RUNDC3B: variants seen among roughly 807,000 people sequenced by gnomAD.
The protein encoded by RUNDC3B is RUN domain containing 3B, also known as RUN domain-containing protein 3B.
In RUNDC3B, 33 loss-of-function variants were observed where a neutral mutation model predicts 58.4. The ratio of observed to expected loss-of-function variants is 0.56; its 90% CI spans 0.43 to 0.75. RUNDC3B has a LOEUF of 0.75. RUNDC3B is among the 30% of genes least tolerant of loss of function. The probability of loss-of-function intolerance (pLI) is 0.00; values close to 1 mark genes in which losing one functional copy is unlikely to be tolerated. For synonymous variants in RUNDC3B, 193 were observed against 195.2 expected, an observed-to-expected ratio of 0.99 and a Z score of 0.10; for missense variants, 501 against 535.7, an observed-to-expected ratio of 0.94 and a Z score of 0.64.
intron 4 of RUNDC3B, among the ~76,000 whole-genome samples, chr7:87,714,250 A>G (rs1031400306): frequency 2.6e-5 from 4 of 152,120 alleles, no homozygotes; most frequent in Non-Finnish European, 5.9e-5. Flanking sequence ...AGACACACAC[A>G]AGATAGTGAA....
Position 87,830,074 on chromosome 7 carries a change from TA to T in RUNDC3B, c.*46del. 7.5e-7 allele frequency: 1 copy of T among 1,330,444 alleles called. No homozygotes were observed. The highest frequency in any genetic ancestry group is 1.0e-6 in the Non-Finnish European group (1 of 967,148). The allele number at this position is 1,330,444 out of a possible 1,614,324, so 82.4% of individuals were successfully genotyped here. On this transcript the variant is annotated 3_prime_UTR_variant, in exon 11 of 11. Transcript: ENST00000394654. ...CAAAACTTTTTATGTTGTAAATGTTTAATTTACATGTTTGACTGCTGGGAAG... is the reference window on the plus strand; with the variant it reads ...CAAAACTTTTTATGTTGTAAATGTTTATTTACATGTTTGACTGCTGGGAAG...
In RUNDC3B at chr7:87,755,550, G is replaced by T. The variant is rs959601066; in HGVS notation, c.629+13971G>T. Among the ~76,000 whole-genome samples the T allele has an allele frequency of 2.7e-5, 4 of 149,546 alleles. No homozygotes were observed. In the East Asian group the frequency reaches 7.9e-4, roughly 29 times the overall value. On this transcript the variant is annotated intron_variant, in intron 6 of 10. Coordinates refer to ENST00000394654, the MANE Select transcript of RUNDC3B (RefSeq NM_001134405.2). ...TCAAAAAGCTAATCCACCATGATCA[G>T]TGCAAGGTTGGTTCAACATACGTAA...
chr7:87,763,692 C>A (rs960906958), intron 6 of RUNDC3B, among the ~76,000 whole-genome samples: 26 of 151,428 alleles, frequency 1.7e-4, no homozygotes, highest in African/African-American at 5.3e-4. Context: ...TTTTAAAGTT[C>A]TGTTTGGCTG....
At chr7:87,763,913 C>G (rs1329910470) in intron 6 of RUNDC3B, among the ~76,000 whole-genome samples, 1 of 151,618 alleles carries the variant, frequency 6.6e-6, no homozygotes, top group East Asian at 1.9e-4. Context: ...AGTCAGGAGC[C>G]CAACAGATGA....
intron 3 of RUNDC3B, among the ~76,000 whole-genome samples, chr7:87,704,763 A>G (rs1291462256): frequency 6.6e-6 from 1 of 152,204 alleles, no homozygotes; most frequent in African/African-American, 2.4e-5. Context: ...TTGCCTAGTT[A>G]TGCTGGGAAG....
rs750557108 is a variant in RUNDC3B, at chr7:87,829,969, C to G, written c.1310C>G (p.Ser437Cys). ...ASYKSLTSLK[S>C]NDYLASPTTE... is the part of the protein sequence containing the mutation. Reference sequence around the variant, plus strand: ...TACAAGTCTCTAACAAGCTTAAAATCTAATGACTACCTTGCAAGTCCTACA... The same window carrying G: ...TACAAGTCTCTAACAAGCTTAAAATGTAATGACTACCTTGCAAGTCCTACA... Residue 437 changes from serine to cysteine, a missense_variant, in exon 11 of 11, where the codon TCT becomes TGT. By Grantham distance (112) the Ser-to-Cys change is moderately radical. Coordinates refer to ENST00000394654, the MANE Select transcript of RUNDC3B (RefSeq NM_001134405.2). 1 of 1,609,166 alleles carries G rather than the reference C, an allele frequency of 6.2e-7. No individual in the cohort carries two copies. The highest frequency in any genetic ancestry group is 8.5e-7 in the Non-Finnish European group (1 of 1,177,088).
intron 8 of RUNDC3B, among the ~76,000 whole-genome samples, chr7:87,800,238 G>T (rs898629874): frequency 1.2e-4 from 18 of 152,084 alleles, no homozygotes; most frequent in African/African-American, 4.3e-4. Flanking sequence ...AAAGTAGAGG[G>T]GAGAGGATAA....
intron 2 of RUNDC3B, among the ~76,000 whole-genome samples, chr7:87,685,593 G>T (rs139741590): frequency 6.6e-6 from 1 of 152,116 alleles, no homozygotes; most frequent in Admixed American, 6.6e-5. Context: ...TAAAGATTAC[G>T]TATGATTCCA....
chr7:87,653,406 T>TA (rs1277642268), intron 2 of RUNDC3B, among the ~76,000 whole-genome samples: 3 of 152,098 alleles, frequency 2.0e-5, no homozygotes, highest in Admixed American at 1.3e-4. Context: ...ACTCCATACA[T>TA]AGTACCACTT....
intron 8 of RUNDC3B, among the ~76,000 whole-genome samples, chr7:87,804,063 G>T (rs1836309631): frequency 6.6e-6 from 1 of 152,108 alleles, no homozygotes; most frequent in South Asian, 2.1e-4. Flanking sequence ...TTAAATAATT[G>T]ATTATTAAAC....
At chr7:87,801,876 A>T (rs1182013019) in intron 8 of RUNDC3B, among the ~76,000 whole-genome samples, 1 of 152,256 alleles carries the variant, frequency 6.6e-6, no homozygotes, top group Non-Finnish European at 1.5e-5. Context: ...GAATTTTAGC[A>T]AATTACATAA....
intron 2 of RUNDC3B, among the ~76,000 whole-genome samples, chr7:87,679,332 A>G (rs1279644005): frequency 6.7e-6 from 1 of 149,458 alleles, no homozygotes; most frequent in African/African-American, 2.5e-5. Context: ...TGACCTCGTG[A>G]TCCACCCACC....
chr7:87,634,256 T>C (rs558057337), intron 1 of RUNDC3B, among the ~76,000 whole-genome samples: 2 of 152,068 alleles, frequency 1.3e-5, no homozygotes, highest in South Asian at 4.2e-4. Context: ...ACATTGGAGA[T>C]CAAATTTCAA....
In RUNDC3B at chr7:87,794,630, A is replaced by C. The variant is rs865984156; in HGVS notation, c.957-12743A>C. Among the ~76,000 whole-genome samples, 494 of 152,174 alleles carry C rather than the reference A, an allele frequency of 3.2e-3. 1 individual carries two copies. Among genetic ancestry groups the C allele is most frequent in the Non-Finnish European group, 5.7e-3 (385 of 67,998 alleles). ...AATGAGAGTCTTTATAGAAACAAAA[A>C]AAAAAAAAACCTAACATTTTTATGG... On this transcript the variant is annotated intron_variant, in intron 8 of 10. Coordinates refer to ENST00000394654, the MANE Select transcript of RUNDC3B (RefSeq NM_001134405.2).
chr7:87,649,703 G>A (rs1340296208), intron 1 of RUNDC3B, among the ~76,000 whole-genome samples: 1 of 152,148 alleles, frequency 6.6e-6, no homozygotes, highest in Non-Finnish European at 1.5e-5. Flanking sequence ...GAAATGGTTT[G>A]TCTGTGACCC....
At position 87,770,589 on chromosome 7, in the gene RUNDC3B, G is replaced by C. The variant is rs1280652281; in HGVS notation, c.638G>C (p.Ser213Thr). ...PYLKYIQSSD[S>T]ISSDEEELRT... ...AATTTTGATCTTCCCAGTTCTGATA[G>C]TATCAGCAGTGATGAGGAGGAGCTA... Residue 213 changes from serine (S) to threonine (T), a missense_variant, in exon 7 of 11, where the codon AGT becomes ACT. Ser to Thr is a moderately conservative substitution (Grantham distance 58, BLOSUM62 1). Coordinates refer to ENST00000394654, the MANE Select transcript of RUNDC3B (RefSeq NM_001134405.2). The C allele has an allele frequency of 1.9e-6, 3 of 1,612,592 alleles. No homozygotes were observed. Among genetic ancestry groups the C allele is most frequent in the Non-Finnish European group, 2.5e-6 (3 of 1,179,172 alleles).
At chr7:87,775,534 A>G (rs1218129024) in intron 7 of RUNDC3B, among the ~76,000 whole-genome samples, 1 of 152,208 alleles carries the variant, frequency 6.6e-6, no homozygotes, top group Non-Finnish European at 1.5e-5. Context: ...CTAGGCGTAC[A>G]GTGTTTATAA....
At chr7:87,694,060 T>C in intron 2 of RUNDC3B, 5 of 1,545,278 alleles carry the variant, frequency 3.2e-6, no homozygotes, top group African/African-American at 1.4e-5. Context: ...TTTTAGTACA[T>C]TGCATGGGTT....
chr7:87,751,092 A>G (rs183510042), intron 6 of RUNDC3B, among the ~76,000 whole-genome samples: 39 of 152,266 alleles, frequency 2.6e-4, no homozygotes, highest in Non-Finnish European at 5.3e-4. Context: ...TCAGCTTTCT[A>G]CATATGGCTA....
Sources: allele counts gnomAD v4.1 joint callset (sites outside exome capture counted in the v4.1 genomes callset), GRCh38; gene constraint gnomAD v4.1.1; transcripts MANE v1.5; gene names NCBI Gene and HGNC (gene_info 2026-07-23, HGNC 2026-07-21).